CNTLN: variants seen among roughly 807,000 people sequenced by gnomAD.
CNTLN encodes the protein centlein.
Under a neutral mutation model 180.0 loss-of-function variants are expected in CNTLN, and 212 were observed. The observed-to-expected ratio is 1.18, with a 90% confidence interval of 1.05 to 1.32. CNTLN has a LOEUF of 1.32. CNTLN is among the 40% of genes most tolerant of loss of function. CNTLN has a pLI of 0.00. For synonymous variants in CNTLN, 722 were observed against 563.1 expected (o/e 1.28, Z -3.99); for missense variants, 2,095 against 1,610.9 (o/e 1.30, Z -5.14).
At chr9:17,449,108 A>G (rs528321216) in intron 18 of CNTLN, among the ~76,000 whole-genome samples, 14 of 152,206 alleles carry the variant, frequency 9.2e-5, no homozygotes, top group Non-Finnish European at 1.9e-4. Flanking sequence ...TAATATTACC[A>G]TATAAACATT....
intron 23 of CNTLN, among the ~76,000 whole-genome samples, chr9:17,473,917 C>T (rs1408644527): frequency 1.3e-5 from 2 of 152,176 alleles, no homozygotes; most frequent in Non-Finnish European, 2.9e-5. Context: ...CCTTGAAGCA[C>T]TTTTTTAAAG....
intron 7 of CNTLN, among the ~76,000 whole-genome samples, chr9:17,306,584 G>A (rs1818732388): frequency 6.6e-6 from 1 of 152,198 alleles, no homozygotes; most frequent in Non-Finnish European, 1.5e-5. Flanking sequence ...CCCAAGAGTA[G>A]GGTATACCAC....
chr9:17,431,881 TCAAA>T (rs1829438059), intron 18 of CNTLN, among the ~76,000 whole-genome samples: 1 of 152,180 alleles, frequency 6.6e-6, no homozygotes, highest in Non-Finnish European at 1.5e-5. Flanking sequence ...AGATAAAGGA[TCAAA>T]CAAATATATT....
intron 5 of CNTLN, among the ~76,000 whole-genome samples, chr9:17,240,718 C>T (rs7040098): frequency 0.21 from 31,258 of 151,936 alleles, 4,087 homozygotes; most frequent in African/African-American, 0.36. Flanking sequence ...TATTGATTGC[C>T]CTCTTTGCTG....
At chr9:17,457,876 A>G (rs1320644572) in intron 19 of CNTLN, among the ~76,000 whole-genome samples, 161 bp downstream of exon 19, 1 of 152,026 alleles carries the variant, frequency 6.6e-6, no homozygotes, top group Non-Finnish European at 1.5e-5. Flanking sequence ...AGCCTGGTAG[A>G]TTCTTATCTG....
intron 1 of CNTLN, among the ~76,000 whole-genome samples, chr9:17,140,058 A>G (rs1047574453): frequency 2.0e-5 from 3 of 152,186 alleles, no homozygotes; most frequent in African/African-American, 7.2e-5. Flanking sequence ...GGAAAATATA[A>G]AGAGAATATG....
At chr9:17,397,784 A>G (rs1826654010) in intron 15 of CNTLN, among the ~76,000 whole-genome samples, 1 of 152,196 alleles carries the variant, frequency 6.6e-6, no homozygotes, top group African/African-American at 2.4e-5. Flanking sequence ...CATATCATAC[A>G]ATATCTCTTA....
At chr9:17,365,503 A>G (rs1823741803) in intron 12 of CNTLN, among the ~76,000 whole-genome samples, 1 of 152,200 alleles carries the variant, frequency 6.6e-6, no homozygotes, top group African/African-American at 2.4e-5. Flanking sequence ...CCCCATGGGC[A>G]GTATTTGGTT....
chr9:17,527,166 A>G, the CNTLN span, among the ~76,000 whole-genome samples: 3 of 152,080 alleles, frequency 2.0e-5, no homozygotes, highest in Non-Finnish European at 4.4e-5. Context: ...TACAGGTATG[A>G]GCCACCGTGC....
chr9:17,195,549 T>C (rs1265322996), intron 2 of CNTLN, among the ~76,000 whole-genome samples: 1 of 152,210 alleles, frequency 6.6e-6, no homozygotes, highest in Non-Finnish European at 1.5e-5. Context: ...TAGGTTTATG[T>C]AGATTATAGT....
intron 18 of CNTLN, among the ~76,000 whole-genome samples, chr9:17,436,812 A>T (rs1214869355): frequency 1.3e-5 from 2 of 152,116 alleles, no homozygotes; most frequent in African/African-American, 4.8e-5. Context: ...CGTTTTTGTG[A>T]TCTGTGTTCA....
At chr9:17,442,247 T>C (rs77925439) in intron 18 of CNTLN, among the ~76,000 whole-genome samples, 4,635 of 152,260 alleles carry the variant, frequency 0.03, 232 homozygotes, top group East Asian at 0.26. Context: ...TGAAATATTT[T>C]CCAGGATAGA....
intron 7 of CNTLN, among the ~76,000 whole-genome samples, chr9:17,306,146 A>ATTTTTTTTTTTTTTTT (rs572150057): frequency 2.3e-5 from 3 of 128,006 alleles, no homozygotes; most frequent in Non-Finnish European, 3.3e-5. Context: ...TTAGTCGTCT[A>ATTTTTTTTTTTTTTTT]TTTTTTTTTT....
chr9:17,173,417 C>T (rs1317117613), intron 2 of CNTLN, among the ~76,000 whole-genome samples: 3 of 151,918 alleles, frequency 2.0e-5, no homozygotes, highest in South Asian at 2.1e-4. Flanking sequence ...TACCCTGATG[C>T]GTCTTATTTT....
intron 16 of CNTLN, among the ~76,000 whole-genome samples, chr9:17,412,513 A>G (rs1411927685): frequency 6.6e-6 from 1 of 152,198 alleles, no homozygotes; most frequent in Non-Finnish European, 1.5e-5. Context: ...TGTTTAGTAG[A>G]AACTGTACTT....
intron 15 of CNTLN, among the ~76,000 whole-genome samples, chr9:17,406,336 T>C (rs979543135): frequency 7.2e-5 from 11 of 151,828 alleles, no homozygotes; most frequent in Admixed American, 1.3e-4. Context: ...CTAACCACCC[T>C]CCCTGCTTTC....
chr9:17,410,408 G>A (rs1827755526), intron 16 of CNTLN, among the ~76,000 whole-genome samples: 1 of 151,914 alleles, frequency 6.6e-6, no homozygotes, highest in African/African-American at 2.4e-5. Context: ...TTTCTTACTG[G>A]CTTAGACATT....
At chr9:17,265,140 C>T (rs1304677115) in intron 5 of CNTLN, among the ~76,000 whole-genome samples, 1 of 148,540 alleles carries the variant, frequency 6.7e-6, no homozygotes, top group Non-Finnish European at 1.5e-5. Context: ...GGAATGCTTC[C>T]AGTTTTTGCC....
chr9:17,434,343 T>C (rs920471938), intron 18 of CNTLN, among the ~76,000 whole-genome samples: 2 of 152,042 alleles, frequency 1.3e-5, no homozygotes, highest in Non-Finnish European at 2.9e-5. Context: ...TTCTCTTTTC[T>C]GATATAACTG....
Sources: allele counts gnomAD v4.1 joint callset (sites outside exome capture counted in the v4.1 genomes callset), GRCh38; gene constraint gnomAD v4.1.1; transcripts MANE v1.5; gene names NCBI Gene and HGNC (gene_info 2026-07-23, HGNC 2026-07-21).